Variants in CDHR3 observed in about 807,000 individuals in gnomAD.
The protein encoded by CDHR3 is cadherin related family member 3, also known as cadherin-related family member 3.
Under a neutral mutation model 86.6 loss-of-function variants are expected in CDHR3, and 79 were observed. The observed-to-expected ratio is 0.91, with a 90% CI of 0.76 to 1.10. The LOEUF (loss-of-function observed/expected upper bound fraction) is 1.10. Ranked by LOEUF, CDHR3 falls within the 50% of genes least tolerant of loss-of-function variation. CDHR3 has a pLI of 0.00. For missense variants in CDHR3, 1,081 were observed against 1,077.6 expected, an observed-to-expected ratio of 1.00 and a Z score of -0.04; for synonymous variants, 421 against 402.4, an observed-to-expected ratio of 1.05 and a Z score of -0.55.
intron 4 of CDHR3, among the ~76,000 whole-genome samples, chr7:105,990,784 C>G (rs1346738242): frequency 6.6e-6 from 1 of 152,170 alleles, no homozygotes. Context: ...GTCGGTGACT[C>G]CTACTGCAGT....
intron 1 of CDHR3, among the ~76,000 whole-genome samples, chr7:105,971,842 C>T (rs921690922): frequency 6.6e-6 from 1 of 152,274 alleles, no homozygotes. Flanking sequence ...CACAATTCTT[C>T]GTGTTGTTCC....
chr7:105,987,260 AGT>A (rs1366061178), intron 4 of CDHR3, among the ~76,000 whole-genome samples: 2 of 152,176 alleles, frequency 1.3e-5, no homozygotes, highest in East Asian at 3.8e-4. Flanking sequence ...TGGCTTCTGC[AGT>A]GAGTTGAGGA....
At chr7:105,980,300 G>A (rs1455510443) in intron 2 of CDHR3, among the ~76,000 whole-genome samples, 1 of 152,136 alleles carries the variant, frequency 6.6e-6, no homozygotes, top group Non-Finnish European at 1.5e-5. Flanking sequence ...TAATGATGAG[G>A]TTTGTTGCAC....
intron 1 of CDHR3, among the ~76,000 whole-genome samples, chr7:105,966,799 T>C (rs1168091105): frequency 6.6e-6 from 1 of 152,128 alleles, no homozygotes; most frequent in Non-Finnish European, 1.5e-5. Flanking sequence ...CTCCATGTAG[T>C]TGGAAGAGAT....
At position 105,988,263 on chromosome 7, in the gene CDHR3, A is replaced by T. The variant is rs1038845379; in HGVS notation, c.513+3974A>T. Among the ~76,000 whole-genome samples, 150 of 152,328 alleles carry T rather than the reference A, an allele frequency of 9.8e-4. 2 individuals are homozygous for T. Among genetic ancestry groups the T allele is most frequent in the Non-Finnish European group, 1.0e-4 (7 of 68,028 alleles). Reference sequence around the variant, plus strand: ...ATTAGAACATACTTAGGCTGATTTTAAAAATGCAGATTCCTGGACATTGCC... The same window carrying T: ...ATTAGAACATACTTAGGCTGATTTTTAAAATGCAGATTCCTGGACATTGCC... On this transcript the variant is annotated intron_variant, in intron 4 of 18. Coordinates refer to ENST00000317716, the MANE Select transcript of CDHR3 (RefSeq NM_152750.5).
At chr7:105,981,160 A>C (rs764716901) in intron 3 of CDHR3, 27 bp downstream of exon 3, 1 of 1,602,636 alleles carries the variant, frequency 6.2e-7, no homozygotes, top group Non-Finnish European at 8.5e-7. Context: ...TGTGCACTGC[A>C]GCCCAGACAG....
chr7:105,979,254 G>A (rs1394613007), intron 2 of CDHR3, among the ~76,000 whole-genome samples: 2 of 152,200 alleles, frequency 1.3e-5, no homozygotes, highest in Non-Finnish European at 2.9e-5. Context: ...TCCAGCATCT[G>A]TGTGTTTGAC....
chr7:106,017,321 C>T (rs1156776517), intron 11 of CDHR3, among the ~76,000 whole-genome samples: 1 of 152,054 alleles, frequency 6.6e-6, no homozygotes, highest in Non-Finnish European at 1.5e-5. Flanking sequence ...CTTTGGGAGG[C>T]CGAGCTGGGC....
intron 3 of CDHR3, among the ~76,000 whole-genome samples, chr7:105,981,794 A>G (rs1363116389): frequency 1.3e-5 from 2 of 151,752 alleles, no homozygotes; most frequent in Non-Finnish European, 2.9e-5. Flanking sequence ...CCCCACCCAA[A>G]TCTGCTTCTC....
intron 5 of CDHR3, among the ~76,000 whole-genome samples, chr7:105,995,663 C>A (rs527461851): frequency 6.6e-6 from 1 of 152,230 alleles, no homozygotes; most frequent in African/African-American, 2.4e-5. Context: ...GATTAGGTGA[C>A]CATCTGGACC....
At position 106,030,260 on chromosome 7, in the gene CDHR3, GCTTAGGTGAGGCC is replaced by G. The variant is rs1304971165; in HGVS notation, c.2305-530_2305-518del. 6.6e-6 allele frequency among the ~76,000 whole-genome samples: 1 copy of G among 152,220 alleles called. No individual in the cohort carries two copies. Among genetic ancestry groups the G allele is most frequent in the East Asian group, 1.9e-4 (1 of 5,202 alleles). On this transcript the variant is annotated intron_variant, in intron 17 of 18. Coordinates refer to ENST00000317716, the MANE Select transcript of CDHR3 (RefSeq NM_152750.5). This position sits in a 1 kb window ranked among gnomAD's most constrained non-coding sequence, Gnocchi z 4.8. ...GAAGAGAAAAGACCTGGAGCACAGGGCTTAGGTGAGGCCCAGATGCGACACTGCATTGGCCTAG... is the reference window on the plus strand; with the variant it reads ...GAAGAGAAAAGACCTGGAGCACAGGGCAGATGCGACACTGCATTGGCCTAG...
rs986441133 is a variant in CDHR3 at position 106,035,672 on chromosome 7, A to G, written c.*2975A>G. 5.3e-5 allele frequency: 8 copies of G among 152,270 alleles called. No homozygotes were observed. Among genetic ancestry groups the G allele is most frequent in the Admixed American group, 3.9e-4 (6 of 15,300 alleles). The allele number at this position is 152,270 out of a possible 1,614,324, so 9.4% of individuals were successfully genotyped here. ...CCCTTGGCCACTTCATGCTCACCTC[A>G]TGGAAATGAAGTAGTGGACCACAAT... On this transcript the variant is annotated 3_prime_UTR_variant, in exon 19 of 19. Transcript: ENST00000317716.
At chr7:106,025,858 T>C (rs1837273282) in intron 15 of CDHR3, among the ~76,000 whole-genome samples, 1 of 152,158 alleles carries the variant, frequency 6.6e-6, no homozygotes, top group South Asian at 2.1e-4. Flanking sequence ...TGAACTCTAT[T>C]CACAAATTGA....
In CDHR3 at chr7:106,032,385, T is replaced by A. The variant is rs1280987540; in HGVS notation, c.2354-8T>A. On this transcript the variant is annotated splice_region_variant and splice_polypyrimidine_tract_variant and intron_variant, in intron 18 of 18. Coordinates refer to ENST00000317716, the MANE Select transcript of CDHR3 (RefSeq NM_152750.5). ...GCTTATGTGATTGTTGTATTTTTTT[T>A]TCACTAGTGACCGGGGAAACATATG... 7 of 1,599,820 alleles carry A rather than the reference T, an allele frequency of 4.4e-6. No individual in the cohort carries two copies. Among genetic ancestry groups the A allele is most frequent in the Non-Finnish European group, 5.1e-6 (6 of 1,171,026 alleles).
intron 1 of CDHR3, 72 bp downstream of exon 1, chr7:105,963,436 C>G (rs1046710808): frequency 5.3e-6 from 8 of 1,506,520 alleles, no homozygotes; most frequent in Admixed American, 3.4e-5. Flanking sequence ...ATGACAATGT[C>G]CCCCAGAAAG....
In CDHR3 at chr7:106,030,830, C is replaced by A. The variant is rs1473096537; in HGVS notation, c.2343C>A (p.Ala781=). The change falls in exon 18 of 19, where the codon GCC becomes GCA. Residue 781 remains alanine (A), a synonymous_variant. Transcript: ENST00000317716. The surrounding 1 kb of genome is among the most constrained non-coding windows in gnomAD (Gnocchi z 4.8). The part of the protein sequence containing the change: ...IQMNTIFDGE[A]IDPVTGETYE... The stretch of plus-strand genomic sequence containing the variant: ...TGAACACTATCTTTGATGGAGAAGC[C>A]ATAGATCCAGGTAATTAAGTGGCAA... 2 of 1,610,848 alleles carry A rather than the reference C, an allele frequency of 1.2e-6. No homozygotes were observed. The highest frequency in any genetic ancestry group is 2.7e-5 in the African/African-American group (2 of 74,904).
rs143429114 is a variant in CDHR3, at chr7:105,972,170, A to G, written c.47-2674A>G. On this transcript the variant is annotated intron_variant, in intron 1 of 18. Coordinates refer to ENST00000317716, the MANE Select transcript of CDHR3 (RefSeq NM_152750.5). ...TGTGTGCAATGGTGACAGCAGTATAATCTCAGATGTGTACAATGGTGACAG... is the reference window on the plus strand; with the variant it reads ...TGTGTGCAATGGTGACAGCAGTATAGTCTCAGATGTGTACAATGGTGACAG... Among the ~76,000 whole-genome samples the G allele has an allele frequency of 6.8e-4, 103 of 152,224 alleles. 1 individual carries two copies. The highest frequency in any genetic ancestry group is 2.4e-3 in the African/African-American group (99 of 41,552).
rs556574308 is a variant in CDHR3, at chr7:106,022,374, G to A, written c.2002G>A (p.Val668Ile). 1.2e-6 allele frequency: 2 copies of A among 1,614,014 alleles called. No individual in the cohort carries two copies. Among genetic ancestry groups the A allele is most frequent in the African/African-American group, 1.3e-5 (1 of 75,040 alleles). ...TGACAGGAAGAAAGCGGAGGCTCTT[G>A]TTGAGACAGGAACAGTGACACTGAG... ...MSDRKKAEALVETGTVTLSIK... is the reference protein window; with the variant it reads ...MSDRKKAEALIETGTVTLSIK... Residue 668 changes from valine (V) to isoleucine (I), a missense_variant, in exon 14 of 19, where the codon GTT (valine) becomes ATT (isoleucine). Physicochemically the swap from Val to Ile is conservative, Grantham distance 29. Coordinates refer to ENST00000317716, the MANE Select transcript of CDHR3 (RefSeq NM_152750.5).
chr7:105,964,760 C>T (rs979242108), intron 1 of CDHR3, among the ~76,000 whole-genome samples: 1 of 152,186 alleles, frequency 6.6e-6, no homozygotes, highest in African/African-American at 2.4e-5. Flanking sequence ...TTTTCCTCTT[C>T]GATCTGCTAA....
Sources: gnomAD v4.1 joint callset for allele counts (sites outside exome capture counted in the v4.1 genomes callset) on GRCh38, gnomAD v4.1.1 for gene constraint, Gnocchi (gnomAD v3.1) non-coding constraint, MANE v1.5 for transcripts, NCBI Gene and HGNC (gene_info 2026-07-23, HGNC 2026-07-21) for gene names.